Variants in ANO5 observed in about 807,000 individuals in gnomAD.
ANO5 encodes the protein anoctamin 5.
In ANO5, 109 loss-of-function variants were observed where a neutral mutation model predicts 121.0. The ratio of observed to expected loss-of-function variants is 0.90; its 90% CI spans 0.77 to 1.06. The LOEUF is 1.06. ANO5 is among the 50% of genes least tolerant of loss of function. The pLI, the probability that ANO5 is intolerant of heterozygous loss-of-function variation, is 0.00. For missense variants in ANO5, 1,064 were observed against 1,078.5 expected, an observed-to-expected ratio of 0.99 and a Z score of 0.19; for synonymous variants, 406 against 359.9, an observed-to-expected ratio of 1.13 and a Z score of -1.45.
At chr11:22,272,655 G>A (rs954072450) in intron 18 of ANO5, 129 bp from the exon 19 acceptor site, 24 of 852,584 alleles carry the variant, frequency 2.8e-5, no homozygotes, top group Admixed American at 1.0e-4. Context: ...CTGGACAGAC[G>A]GATGGAAGCC....
Position 22,212,000 on chromosome 11 carries a change from T to A in ANO5, c.138+686T>A, listed in dbSNP as rs867172454. 3.7e-3 allele frequency among the ~76,000 whole-genome samples: 565 copies of A among 151,884 alleles called. 6 individuals are homozygous for A. Among genetic ancestry groups the A allele is most frequent in the African/African-American group, 0.013 (531 of 41,502 alleles). On this transcript the variant is annotated intron_variant, in intron 3 of 21. Transcript: ENST00000324559. Reference sequence around the variant, plus strand: ...TCTTTTTAAATTTATTTTTACTTTTTTTTTTTTACTACATAAAGCATTTTA... The same window carrying A: ...TCTTTTTAAATTTATTTTTACTTTTATTTTTTTACTACATAAAGCATTTTA...
intron 6 of ANO5, among the ~76,000 whole-genome samples, chr11:22,227,101 T>G (rs1396893489): frequency 4.6e-5 from 7 of 151,990 alleles, no homozygotes; most frequent in Non-Finnish European, 1.0e-4. Flanking sequence ...ATACACACAT[T>G]ATATGTATAC....
chr11:22,256,801 T>C (rs776981268), intron 13 of ANO5, among the ~76,000 whole-genome samples: 2 of 152,170 alleles, frequency 1.3e-5, no homozygotes, highest in Non-Finnish European at 2.9e-5. Flanking sequence ...ACCAGAACTG[T>C]CACATTTGAG....
At chr11:22,196,507 T>TTC (rs1851816016) in intron 1 of ANO5, among the ~76,000 whole-genome samples, 1 of 151,560 alleles carries the variant, frequency 6.6e-6, no homozygotes, top group African/African-American at 2.4e-5. Context: ...GAGAGTTTTT[T>TTC]TTTTTTTTTA....
chr11:22,238,002 G>A (rs73481660), intron 8 of ANO5, among the ~76,000 whole-genome samples: 6,524 of 152,020 alleles, frequency 0.043, 467 homozygotes, highest in African/African-American at 0.15. Flanking sequence ...AATGTAAATC[G>A]TTGTTACACT....
intron 7 of ANO5, 106 bp downstream of exon 7, chr11:22,227,692 G>C: frequency 7.2e-7 from 1 of 1,394,044 alleles, no homozygotes; most frequent in Non-Finnish European, 1.0e-6. Context: ...AGGTGCTTCT[G>C]TATAGGATAT....
chr11:22,279,725 T>G lies in ANO5; in HGVS notation c.2702T>G (p.Ile901Ser), dbSNP rs771546796. 2 of 1,612,716 alleles carry G rather than the reference T, an allele frequency of 1.2e-6. No homozygotes were observed. The highest frequency in any genetic ancestry group is 2.2e-5 in the South Asian group (2 of 91,058). Reference protein sequence around the residue: ...NSNEFAKHVMIEENKAQLAKS... With the variant: ...NSNEFAKHVMSEENKAQLAKS... ...AATGAATTTGCCAAGCATGTCATGA[T>G]TGAGGAAAACAAAGCACAGCTGGCT... Residue 901 changes from isoleucine (I) to serine (S), a missense_variant, in exon 22 of 22, where the codon ATT becomes AGT. Transcript: ENST00000324559.
At chr11:22,208,896 C>G (rs1055441667) in intron 2 of ANO5, among the ~76,000 whole-genome samples, 3 of 151,862 alleles carry the variant, frequency 2.0e-5, no homozygotes, top group Non-Finnish European at 4.4e-5. Context: ...GCAATAAAAA[C>G]AGGCTCTACA....
In ANO5 at chr11:22,263,232, T is replaced by A. The variant is rs1025108140; in HGVS notation, c.1898+189T>A. ...ATAAACTCTTATTTTTATTTATTTA[T>A]TTATTTTGGTTCCATGGCTAGCAAG... is the stretch of plus-strand genomic sequence containing the variant. On this transcript the variant is annotated intron_variant, in intron 17 of 21. Coordinates refer to ENST00000324559, the MANE Select transcript of ANO5 (RefSeq NM_213599.3). Among the ~76,000 whole-genome samples the A allele has an allele frequency of 2.6e-5, 4 of 152,136 alleles. No homozygotes were observed. In the East Asian group the frequency reaches 7.7e-4, roughly 29 times the overall value.
At chr11:22,257,072 G>GT (rs60615449) in intron 13 of ANO5, among the ~76,000 whole-genome samples, 23 of 151,150 alleles carry the variant, frequency 1.5e-4, no homozygotes, top group Non-Finnish European at 2.7e-4. Flanking sequence ...TGCTGACAGC[G>GT]TTTTTTTTTT....
At chr11:22,227,657 G>A in intron 7 of ANO5, 71 bp downstream of exon 7, 2 of 1,560,282 alleles carry the variant, frequency 1.3e-6, no homozygotes, top group Non-Finnish European at 1.8e-6. Context: ...TTTTATACAT[G>A]TGCAGATGTC....
intron 19 of ANO5, among the ~76,000 whole-genome samples, chr11:22,274,161 C>CT (rs1210439217): frequency 7.0e-6 from 1 of 142,764 alleles, no homozygotes; most frequent in Non-Finnish European, 1.5e-5. Context: ...CTGTTAATCT[C>CT]TTACACACAC....
At chr11:22,213,062 A>G (rs1210437831) in intron 3 of ANO5, among the ~76,000 whole-genome samples, 1 of 151,344 alleles carries the variant, frequency 6.6e-6, no homozygotes, top group Non-Finnish European at 1.5e-5. Flanking sequence ...TTATTTTAAT[A>G]TAGTTTTAGA....
chr11:22,237,547 T>C (rs920982546), intron 8 of ANO5, among the ~76,000 whole-genome samples: 2 of 152,028 alleles, frequency 1.3e-5, no homozygotes, highest in African/African-American at 4.8e-5. Context: ...CACACCATCA[T>C]GCCTGGCTAA....
chr11:22,245,700 A>G (rs1367145034), intron 9 of ANO5, among the ~76,000 whole-genome samples: 2 of 152,122 alleles, frequency 1.3e-5, no homozygotes, highest in African/African-American at 2.4e-5. Context: ...TAATTTATAA[A>G]CAGAGTTTCT....
intron 7 of ANO5, among the ~76,000 whole-genome samples, chr11:22,232,583 AAATT>A (rs967399302): frequency 3.0e-4 from 46 of 152,086 alleles, no homozygotes; most frequent in African/African-American, 1.0e-3. Flanking sequence ...CAGGATAATG[AAATT>A]AATTTCATAT....
intron 5 of ANO5, among the ~76,000 whole-genome samples, chr11:22,223,214 G>A (rs1432999058): frequency 6.6e-6 from 1 of 151,936 alleles, no homozygotes. Context: ...ACAGGACTCA[G>A]TATATAGTCA....
chr11:22,200,776 C>T (rs934228542), intron 1 of ANO5, among the ~76,000 whole-genome samples: 1 of 152,042 alleles, frequency 6.6e-6, no homozygotes, highest in Non-Finnish European at 1.5e-5. Flanking sequence ...ATAAATTTGA[C>T]ACATACAAAA....
chr11:22,269,179 GAAGGAA>G (rs937525885), intron 17 of ANO5, among the ~76,000 whole-genome samples: 11 of 144,790 alleles, frequency 7.6e-5, no homozygotes, highest in African/African-American at 2.7e-4. Flanking sequence ...GAAGGGAAGA[GAAGGAA>G]AAGGGAAGGG....
Sources: gnomAD v4.1 joint callset for allele counts (sites outside exome capture counted in the v4.1 genomes callset) on GRCh38, gnomAD v4.1.1 for gene constraint, MANE v1.5 for transcripts, NCBI Gene and HGNC (gene_info 2026-07-23, HGNC 2026-07-21) for gene names.